Variants in ST18 observed in about 807,000 individuals in gnomAD.
ST18 encodes ST18 C2H2C-type zinc finger transcription factor.
In ST18, 50 loss-of-function variants were observed where a neutral mutation model predicts 110.0. The ratio of observed to expected loss-of-function variants is 0.45; its 90% confidence interval spans 0.36 to 0.58. The LOEUF (loss-of-function observed/expected upper bound fraction) is 0.58, where lower values mean the gene tolerates loss of function less well. ST18 is among the 20% of genes least tolerant of loss of function. The pLI is 0.00. For missense variants in ST18, 1,306 were observed against 1,280.1 expected (o/e 1.02, Z -0.31); for synonymous variants, 461 against 452.4 (o/e 1.02, Z -0.24).
chr8:52,372,699 G>C (rs926816328), intron 2 of ST18, among the ~76,000 whole-genome samples: 2 of 152,206 alleles, frequency 1.3e-5, no homozygotes, highest in African/African-American at 4.8e-5. Context: ...TACATGTACA[G>C]GTTTGTAGCC....
intron 2 of ST18, among the ~76,000 whole-genome samples, chr8:52,383,176 G>T (rs1835245988): frequency 6.6e-6 from 1 of 152,142 alleles, no homozygotes; most frequent in Non-Finnish European, 1.5e-5. Context: ...TCAGGGTTCA[G>T]CCTTCAAATT....
chr8:52,293,328 C>G (rs1236588964), intron 2 of ST18, among the ~76,000 whole-genome samples: 3 of 152,214 alleles, frequency 2.0e-5, no homozygotes, highest in Non-Finnish European at 2.9e-5. Context: ...CAGAGATGGC[C>G]ACCATGACTG....
intron 13 of ST18, among the ~76,000 whole-genome samples, chr8:52,162,944 T>C (rs1187783913): frequency 6.6e-6 from 1 of 152,224 alleles, no homozygotes; most frequent in Non-Finnish European, 1.5e-5. Flanking sequence ...GAGCAACTAG[T>C]TGATCTTATT....
intron 2 of ST18, among the ~76,000 whole-genome samples, chr8:52,234,730 T>G (rs1178964354): frequency 1.3e-4 from 9 of 68,618 alleles, no homozygotes; most frequent in South Asian, 5.2e-4. Flanking sequence ...GAAACTATGG[T>G]GTGTGTGTGT....
chr8:52,139,247 T>G (rs1175020581), intron 17 of ST18, among the ~76,000 whole-genome samples: 1 of 152,046 alleles, frequency 6.6e-6, no homozygotes, highest in South Asian at 2.1e-4. Flanking sequence ...GTATTCAGAG[T>G]GAGAGGTGTT....
intron 2 of ST18, among the ~76,000 whole-genome samples, chr8:52,376,770 A>G (rs1564613349): frequency 6.6e-6 from 1 of 152,176 alleles, no homozygotes; most frequent in Non-Finnish European, 1.5e-5. Flanking sequence ...GGGGAAGTCC[A>G]GGTGGAAGCC....
chr8:52,151,589 A>G (rs967746831), intron 15 of ST18, among the ~76,000 whole-genome samples: 2 of 152,320 alleles, frequency 1.3e-5, no homozygotes, highest in Middle Eastern at 3.4e-3. Context: ...AATCCAAGAT[A>G]TTAACCATAT....
intron 8 of ST18, among the ~76,000 whole-genome samples, chr8:52,182,018 G>A (rs760646372): frequency 1.2e-4 from 18 of 151,994 alleles, no homozygotes; most frequent in South Asian, 4.2e-4. Flanking sequence ...AGTATCCTGA[G>A]TCAAATGAAT....
chr8:52,314,969 C>T (rs1331705484), intron 2 of ST18, among the ~76,000 whole-genome samples: 1 of 152,128 alleles, frequency 6.6e-6, no homozygotes, highest in East Asian at 1.9e-4. Context: ...GGAGAAAGGG[C>T]ATGAACCCTG....
intron 8 of ST18, 22 bp downstream of exon 8, chr8:52,212,057 A>G (rs80008428): frequency 2.5e-6 from 4 of 1,601,578 alleles, no homozygotes; most frequent in East Asian, 2.2e-5. Context: ...GTGAAAAAAA[A>G]GTAATATAGG....
intron 2 of ST18, among the ~76,000 whole-genome samples, chr8:52,322,704 T>A (rs1589897630): frequency 6.6e-6 from 1 of 152,144 alleles, no homozygotes; most frequent in Non-Finnish European, 1.5e-5. Flanking sequence ...GTAGAGTAGA[T>A]AAAATAAAGC....
At chr8:52,182,713 C>A (rs2070290258) in intron 8 of ST18, among the ~76,000 whole-genome samples, 1 of 152,090 alleles carries the variant, frequency 6.6e-6, no homozygotes, top group African/African-American at 2.4e-5. Context: ...TAGAGATATG[C>A]TGTTCAACAC....
intron 2 of ST18, among the ~76,000 whole-genome samples, chr8:52,359,329 G>A (rs1401244344): frequency 2.0e-5 from 3 of 152,018 alleles, no homozygotes; most frequent in Non-Finnish European, 4.4e-5. Context: ...ACACTTTAAA[G>A]CTGTTAACTT....
intron 6 of ST18, among the ~76,000 whole-genome samples, chr8:52,216,988 G>A (rs1218857745): frequency 1.3e-5 from 2 of 152,158 alleles, no homozygotes; most frequent in Non-Finnish European, 2.9e-5. Context: ...TATGATTCAA[G>A]AAATCAACCT....
intron 2 of ST18, among the ~76,000 whole-genome samples, chr8:52,326,771 A>G (rs1589934625): frequency 6.6e-6 from 1 of 152,340 alleles, no homozygotes; most frequent in East Asian, 1.9e-4. Flanking sequence ...AGCCCATTAT[A>G]TGTGTCAGAA....
intron 19 of ST18, among the ~76,000 whole-genome samples, chr8:52,135,241 C>A (rs1002421556): frequency 3.9e-5 from 6 of 152,096 alleles, no homozygotes; most frequent in East Asian, 1.9e-4. Flanking sequence ...AAAATCCACA[C>A]TGACAAAGTA....
At chr8:52,264,893 G>A (rs1428425233) in intron 2 of ST18, among the ~76,000 whole-genome samples, 2 of 152,166 alleles carry the variant, frequency 1.3e-5, no homozygotes, top group East Asian at 3.9e-4. Context: ...GTCTGTAATT[G>A]TTTGTTTTCT....
In ST18 at chr8:52,118,341, G is replaced by T; in HGVS notation, c.2856C>A (p.Thr952=). The T allele has an allele frequency of 1.9e-6, 3 of 1,589,794 alleles. No homozygotes were observed. The highest frequency in any genetic ancestry group is 1.7e-6 in the Non-Finnish European group (2 of 1,165,940). Residue 952 remains threonine, a synonymous_variant, in exon 24 of 26, where the codon ACC becomes ACA. Transcript: ENST00000689386. ...KIEADMMKLQ[T]QITSMESNLK... is the part of the protein sequence containing the mutation. ...ATGAATTACTTCTTTTTTTTACCTG[G>T]GTCTGAAGTTTCATCATATCTGCTT...
chr8:52,178,645 C>CAAAAAAAAAAAAAAAAAAAAAAAAA (rs1563897561), intron 9 of ST18, among the ~76,000 whole-genome samples: 3 of 30,132 alleles, frequency 1.0e-4, no homozygotes, highest in African/African-American at 3.4e-4. Context: ...AAAAAAAAAC[C>CAAAAAAAAAAAAAAAAAAAAAAAAA]ACCAAAAACC....
Sources: gnomAD v4.1 joint callset for allele counts (sites outside exome capture counted in the v4.1 genomes callset) on GRCh38, gnomAD v4.1.1 for gene constraint, MANE v1.5 for transcripts, NCBI Gene and HGNC (gene_info 2026-07-23, HGNC 2026-07-21) for gene names.